PTPN4: variants seen among roughly 807,000 people sequenced by gnomAD.
PTPN4 encodes protein tyrosine phosphatase non-receptor type 4, also known as tyrosine-protein phosphatase non-receptor type 4.
PTPN4 carries 49 observed loss-of-function variants against 135.5 expected under a neutral mutation model. The observed-to-expected ratio is 0.36, with a 90% confidence interval of 0.29 to 0.46. The LOEUF (loss-of-function observed/expected upper bound fraction) is 0.46, where lower values mean the gene tolerates loss of function less well. Among genes scored for constraint, PTPN4 ranks in the 20% least tolerant of loss-of-function variants. The pLI is 1.00. For missense variants in PTPN4, 860 were observed against 1,101.0 expected, an observed-to-expected ratio of 0.78 and a Z score of 3.10; for synonymous variants, 333 against 369.9, an observed-to-expected ratio of 0.90 and a Z score of 1.14.
chr2:119,784,043 A>T (rs112140142), intron 1 of PTPN4, among the ~76,000 whole-genome samples: 1 of 152,126 alleles, frequency 6.6e-6, no homozygotes, highest in Admixed American at 6.5e-5. Context: ...TGGTTTCTCT[A>T]TATGGCTTGG....
chr2:119,889,909 T>C (rs948972787), intron 9 of PTPN4, among the ~76,000 whole-genome samples: 1 of 152,196 alleles, frequency 6.6e-6, no homozygotes, highest in Admixed American at 6.5e-5. Flanking sequence ...TTTAACTAAT[T>C]TGTTGAGACT....
intron 1 of PTPN4, among the ~76,000 whole-genome samples, chr2:119,789,340 T>TG (rs1182660890): frequency 2.0e-5 from 3 of 152,238 alleles, no homozygotes; most frequent in African/African-American, 7.2e-5. Context: ...ATCTGATACA[T>TG]GATTGGCAAA....
At chr2:119,825,018 G>T (rs948011708) in intron 2 of PTPN4, among the ~76,000 whole-genome samples, 1 of 152,160 alleles carries the variant, frequency 6.6e-6, no homozygotes, top group Non-Finnish European at 1.5e-5. Flanking sequence ...CATATTAAAA[G>T]AAAGCAAGTT....
chr2:119,934,868 A>G lies in PTPN4; in HGVS notation c.1265A>G (p.His422Arg). 1.2e-6 allele frequency: 2 copies of G among 1,613,816 alleles called. No homozygotes were observed. Among genetic ancestry groups the G allele is most frequent in the Non-Finnish European group, 8.5e-7 (1 of 1,179,690 alleles). The change falls in exon 15 of 27, where the codon CAT becomes CGT. Residue 422 changes from histidine (H) to arginine (R), a missense_variant. This residue lies in a region of PTPN4 where 684 missense variants were observed against 807.0 expected (regional missense o/e 0.85). Coordinates refer to ENST00000263708, the MANE Select transcript of PTPN4 (RefSeq NM_002830.4). ...TCTTCAGTTGGTCATTTGGTAGACC[A>G]TATGGTTCATACTTCCCCAAGCGAA... ...RPSSVGHLVD[H>R]MVHTSPSEVF... is the part of the protein sequence containing the mutation.
chr2:119,914,589 C>T (rs1678624298), intron 10 of PTPN4, among the ~76,000 whole-genome samples: 1 of 152,060 alleles, frequency 6.6e-6, no homozygotes, highest in African/African-American at 2.4e-5. Flanking sequence ...TCCTGAAGGA[C>T]ATTTTTCTCA....
At chr2:119,783,524 C>T (rs994905295) in intron 1 of PTPN4, among the ~76,000 whole-genome samples, 6 of 152,022 alleles carry the variant, frequency 3.9e-5, no homozygotes, top group Non-Finnish European at 7.4e-5. Flanking sequence ...TCAGTGATAC[C>T]TTCAATTAGT....
intron 2 of PTPN4, among the ~76,000 whole-genome samples, chr2:119,858,771 T>TACA (rs1677717599): frequency 6.6e-6 from 1 of 152,068 alleles, no homozygotes; most frequent in Non-Finnish European, 1.5e-5. Flanking sequence ...TAGCTGGGAC[T>TACA]ACAGGCACGT....
chr2:119,890,059 A>T (rs955434892), intron 9 of PTPN4, among the ~76,000 whole-genome samples: 1 of 152,032 alleles, frequency 6.6e-6, no homozygotes, highest in Admixed American at 6.6e-5. Flanking sequence ...TTTAAGTCCA[A>T]TGTTTCTTTA....
rs751474040 is a variant in PTPN4 at position 119,983,194 on chromosome 2, A to T, written c.*6124A>T. On this transcript the variant is annotated 3_prime_UTR_variant, in exon 27 of 27. Coordinates refer to ENST00000263708, the MANE Select transcript of PTPN4 (RefSeq NM_002830.4). ...CTCTCTCAACCCTGGGAGTTTCCAA[A>T]ATTTAGCAAATATTACTTGTGATAA... is the stretch of plus-strand genomic sequence containing the variant. The T allele has an allele frequency of 3.9e-5, 6 of 152,180 alleles. No homozygotes were observed. Among genetic ancestry groups the T allele is most frequent in the Non-Finnish European group, 7.3e-5 (5 of 68,028 alleles). 9.4% of individuals were successfully genotyped at this position (152,180 alleles called of 1,614,324 possible).
At chr2:119,806,282 A>C (rs1691465969) in intron 1 of PTPN4, among the ~76,000 whole-genome samples, 1 of 152,226 alleles carries the variant, frequency 6.6e-6, no homozygotes, top group Non-Finnish European at 1.5e-5. Context: ...ACAGACTAGC[A>C]AATTGGATAA....
chr2:119,968,399 C>G (rs1679475549), intron 26 of PTPN4, among the ~76,000 whole-genome samples: 1 of 152,170 alleles, frequency 6.6e-6, no homozygotes. Flanking sequence ...AAGCTGAATG[C>G]TGAGAATGAT....
At chr2:119,780,534 C>T (rs1690917935) in intron 1 of PTPN4, among the ~76,000 whole-genome samples, 1 of 152,182 alleles carries the variant, frequency 6.6e-6, no homozygotes, top group Admixed American at 6.5e-5. Context: ...CTACTCCTCA[C>T]ATTTTCGAAG....
chr2:119,949,149 C>T (rs1419613272), intron 18 of PTPN4, among the ~76,000 whole-genome samples: 2 of 152,066 alleles, frequency 1.3e-5, no homozygotes, highest in Non-Finnish European at 1.5e-5. Context: ...TCTTTTTAAT[C>T]TGTACATATT....
At chr2:119,805,664 T>C (rs1389749613) in intron 1 of PTPN4, among the ~76,000 whole-genome samples, 1 of 152,230 alleles carries the variant, frequency 6.6e-6, no homozygotes, top group East Asian at 1.9e-4. Context: ...ACCAGTACCA[T>C]GCTGTTTTGG....
chr2:119,935,022 T>C, intron 15 of PTPN4, 64 bp downstream of exon 15: 1 of 1,475,948 alleles, frequency 6.8e-7, no homozygotes, highest in Non-Finnish European at 9.2e-7. Flanking sequence ...TTACTTAAAA[T>C]AATCTGGGAA....
chr2:119,944,334 C>A lies in PTPN4; in HGVS notation c.1356-747C>A, dbSNP rs777278676. On this transcript the variant is annotated intron_variant, in intron 15 of 26. Coordinates refer to ENST00000263708, the MANE Select transcript of PTPN4 (RefSeq NM_002830.4). Reference sequence around the variant, plus strand: ...CTGTGGATGCATACTTCTTAAGACACAAGTTGAACCACAAGTTTCTACTTT... The same window carrying A: ...CTGTGGATGCATACTTCTTAAGACAAAAGTTGAACCACAAGTTTCTACTTT... Among the ~76,000 whole-genome samples, 19 of 152,304 alleles carry A rather than the reference C, an allele frequency of 1.2e-4. No individual in the cohort carries two copies. The South Asian group carries it at 2.5e-3, about 20-fold the overall frequency.
At chr2:119,904,665 A>G (rs972758491) in intron 10 of PTPN4, among the ~76,000 whole-genome samples, 8 of 152,232 alleles carry the variant, frequency 5.3e-5, no homozygotes, top group African/African-American at 1.9e-4. Flanking sequence ...CAAGTCACAC[A>G]TAAGGGAATC....
At chr2:119,836,824 T>C (rs1383708960) in intron 2 of PTPN4, among the ~76,000 whole-genome samples, 1 of 152,144 alleles carries the variant, frequency 6.6e-6, no homozygotes, top group African/African-American at 2.4e-5. Context: ...CGCAGGGTGG[T>C]GATAACACAC....
chr2:119,826,960 C>T (rs560683585), intron 2 of PTPN4, among the ~76,000 whole-genome samples: 5 of 152,224 alleles, frequency 3.3e-5, no homozygotes, highest in East Asian at 1.9e-4. Flanking sequence ...GCCAGGAGTT[C>T]GAGGTTACAG....
Sources: gnomAD v4.1 joint callset for allele counts (sites outside exome capture counted in the v4.1 genomes callset) on GRCh38, gnomAD v4.1.1 for gene constraint, gnomAD v4.1.1 regional missense constraint, MANE v1.5 for transcripts, NCBI Gene and HGNC (gene_info 2026-07-23, HGNC 2026-07-21) for gene names.